The following SSUH2 variants were observed in gnomAD, a reference collection of about 807,000 sequenced individuals.
SSUH2 encodes protein SSUH2 homolog.
In SSUH2, 47 loss-of-function variants were observed where a neutral mutation model predicts 55.3. That is an observed-to-expected ratio of 0.85 (90% CI 0.67 to 1.08). The LOEUF is 1.08. SSUH2 is among the 50% of genes least tolerant of loss of function. The pLI is 0.00. For synonymous variants in SSUH2, 212 were observed against 191.5 expected (o/e 1.11, Z -0.89); for missense variants, 535 against 490.7 (o/e 1.09, Z -0.85).
chr3:8,631,073 T>C, intron 5 of SSUH2, 144 bp from the exon 6 acceptor site: 1 of 851,856 alleles, frequency 1.2e-6, no homozygotes, highest in East Asian at 3.2e-5. Flanking sequence ...GTCAAGGCCT[T>C]CCTTGGAGGC....
chr3:8,638,993 C>T (rs199683748), intron 1 of SSUH2, among the ~76,000 whole-genome samples: 1 of 152,312 alleles, frequency 6.6e-6, no homozygotes, highest in East Asian at 1.9e-4. Context: ...GACTCCATTC[C>T]TCAACCAGGA....
At chr3:8,668,889 T>C (rs1246775165) in intron 5 of SSUH2, among the ~76,000 whole-genome samples, 1 of 144,306 alleles carries the variant, frequency 6.9e-6, no homozygotes, top group Non-Finnish European at 1.5e-5. Flanking sequence ...TTCTACGTTT[T>C]ACAACCATTC....
Position 8,626,315 on chromosome 3 carries a change from G to A in SSUH2, c.681C>T (p.Ser227=), listed in dbSNP as rs1459733614. The part of the protein sequence containing the change: ...LCAGSGRRRC[S]TCSGRGNKTC... Reference sequence around the variant, plus strand: ...TCTTGTTCCCTCTCCCTGAGCAAGTGCTGCATCTGAGAAAGGCACAGAGTC... The same window carrying A: ...TCTTGTTCCCTCTCCCTGAGCAAGTACTGCATCTGAGAAAGGCACAGAGTC... The change falls in exon 9 of 12, where the codon AGC becomes AGT. Residue 227 remains serine (S), a synonymous_variant. Coordinates refer to ENST00000544814, the MANE Select transcript of SSUH2 (RefSeq NM_001256748.3). The A allele has an allele frequency of 1.2e-6, 2 of 1,613,926 alleles. No homozygotes were observed. Among genetic ancestry groups the A allele is most frequent in the Non-Finnish European group, 1.7e-6 (2 of 1,179,850 alleles).
chr3:8,679,766 C>G (rs183341068), exon 2 of SSUH2: 15 of 159,992 alleles, frequency 9.4e-5, no homozygotes, highest in African/African-American at 3.4e-4. Flanking sequence ...AGGCAAGTAC[C>G]TTACTTGGGA....
chr3:8,628,695 A>C (rs1340078345), intron 7 of SSUH2, among the ~76,000 whole-genome samples: 1 of 152,212 alleles, frequency 6.6e-6, no homozygotes, highest in Non-Finnish European at 1.5e-5. Flanking sequence ...TCACAAGCCA[A>C]GGAACACCAA....
At position 8,661,001 on chromosome 3, in the gene SSUH2, G is replaced by A. The variant is rs544875858; in HGVS notation, c.-395-1988C>T. On this transcript the variant is annotated intron_variant, in intron 6 of 18. Transcript: ENST00000317371. ...GCCAGGACAGTGAGCAGGATGTGAA[G>A]GGTAAAGGGTGACTCTGGAAGAATG... Among the ~76,000 whole-genome samples, 3 of 152,346 alleles carry A rather than the reference G, an allele frequency of 2.0e-5. No individual in the cohort carries two copies. In the East Asian group the frequency reaches 5.8e-4, roughly 29 times the overall value.
chr3:8,639,845 C>CAGGGGCCCCTGTCCAAA, intron 1 of SSUH2: 1 of 509,650 alleles, frequency 2.0e-6, no homozygotes, highest in Non-Finnish European at 2.5e-6. Flanking sequence ...CCCTTTTGGA[C>CAGGGGCCCCTGTCCAAA]AGGGGCCCCT....
Position 8,619,981 on chromosome 3 carries a change from C to A in SSUH2, c.1015G>T (p.Val339Phe), listed in dbSNP as rs1208007464. 1.2e-6 allele frequency: 2 copies of A among 1,614,136 alleles called. No individual in the cohort carries two copies. The highest frequency in any genetic ancestry group is 1.7e-6 in the Non-Finnish European group (2 of 1,180,000). ...GTCTTTCCTTGGTACCAATAGTGAACTTCTGTGAGGGGGATCAGCTCAATG... is the reference window on the plus strand; with the variant it reads ...GTCTTTCCTTGGTACCAATAGTGAAATTCTGTGAGGGGGATCAGCTCAATG... Reference protein sequence around the residue: ...QTIELIPLTEVHYWYQGKTYV... With the variant: ...QTIELIPLTEFHYWYQGKTYV... Residue 339 changes from valine (V) to phenylalanine (F), a missense_variant, in exon 12 of 12, where the codon GTT (valine) becomes TTT (phenylalanine). By Grantham distance (50) the Val-to-Phe change is conservative (BLOSUM62 -1). Transcript: ENST00000544814.
At chr3:8,663,748 A>G (rs1218456302) in exon 6 of SSUH2, 1 of 455,174 alleles carries the variant, frequency 2.2e-6, no homozygotes, top group Admixed American at 2.4e-5. Context: ...TCTTACCTTA[A>G]CAAGGATTTC....
chr3:8,633,950 G>A (rs748840943), intron 3 of SSUH2, 155 bp from the exon 4 acceptor site: 1 of 1,613,594 alleles, frequency 6.2e-7, no homozygotes, highest in Non-Finnish European at 8.5e-7. Context: ...TCCTGCAAAG[G>A]GGACCATGTG....
At chr3:8,654,712 T>C (rs1344318191) in intron 7 of SSUH2, among the ~76,000 whole-genome samples, 2 of 152,046 alleles carry the variant, frequency 1.3e-5, no homozygotes, top group Non-Finnish European at 2.9e-5. Flanking sequence ...AAGATCACAG[T>C]GTGTGGCCTT....
intron 5 of SSUH2, 49 bp downstream of exon 5, chr3:8,632,000 C>A (rs1243525003): frequency 6.8e-7 from 1 of 1,474,996 alleles, no homozygotes; most frequent in Non-Finnish European, 9.5e-7. Context: ...TCCACCAGCA[C>A]CCTGACTTAT....
In SSUH2 at chr3:8,635,897, G is replaced by T. The variant is rs1355642684; in HGVS notation, c.29-40C>A. The stretch of plus-strand genomic sequence containing the variant: ...GCATTCCTAAGCCTTGGGTAGGGAG[G>T]CGAGGGCTGATGAGGGCTTCACAGG... On this transcript the variant is annotated intron_variant, in intron 1 of 11. Transcript: ENST00000544814. 7.3e-6 allele frequency: 11 copies of T among 1,515,246 alleles called. No homozygotes were observed. The South Asian group carries it at 1.2e-4, about 17-fold the overall frequency. The allele number at this position is 1,515,246 out of a possible 1,614,324, so 93.9% of individuals were successfully genotyped here.
At chr3:8,635,906 G>A (rs1191348533) in intron 1 of SSUH2, 49 bp from the exon 2 acceptor site, 4 of 1,473,304 alleles carry the variant, frequency 2.7e-6, no homozygotes, top group Non-Finnish European at 3.7e-6. Context: ...GGCGAGGGCT[G>A]ATGAGGGCTT....
At chr3:8,661,573 G>A (rs1198488222) in intron 6 of SSUH2, among the ~76,000 whole-genome samples, 1 of 152,216 alleles carries the variant, frequency 6.6e-6, no homozygotes, top group Non-Finnish European at 1.5e-5. Context: ...CTGACAGGAG[G>A]CGTGAGAGAC....
chr3:8,649,105 A>G (rs1348622075), upstream of SSUH2, among the ~76,000 whole-genome samples: 1 of 151,690 alleles, frequency 6.6e-6, no homozygotes, highest in Non-Finnish European at 1.5e-5. Context: ...GCGCAACTCA[A>G]CTCCTCCCTC....
intron 1 of SSUH2, 79 bp downstream of exon 1, chr3:8,644,652 G>C: frequency 8.0e-7 from 1 of 1,244,752 alleles, no homozygotes; most frequent in Non-Finnish European, 1.1e-6. Context: ...ACATATTAGA[G>C]GTCAGATTAG....
intron 3 of SSUH2, chr3:8,634,067 G>A: frequency 1.0e-6 from 1 of 975,242 alleles, no homozygotes; most frequent in Middle Eastern, 2.4e-4. Context: ...TCCTGCAACT[G>A]AAGAAACACA....
intron 7 of SSUH2, among the ~76,000 whole-genome samples, chr3:8,629,018 G>A (rs1476627192): frequency 1.3e-5 from 2 of 152,176 alleles, no homozygotes; most frequent in African/African-American, 4.8e-5. Flanking sequence ...ACCATGCCCA[G>A]CTAATTTTTT....
Sources: allele counts gnomAD v4.1 joint callset (sites outside exome capture counted in the v4.1 genomes callset), GRCh38; gene constraint gnomAD v4.1.1; transcripts MANE v1.5; gene names NCBI Gene and HGNC (gene_info 2026-07-23, HGNC 2026-07-21).